The following R3HCC1L variants were observed in gnomAD, a reference collection of about 807,000 sequenced individuals.
The protein encoded by R3HCC1L is R3H domain and coiled-coil containing 1 like, also known as coiled-coil domain-containing protein R3HCC1L.
In R3HCC1L, 51 loss-of-function variants were observed where a neutral mutation model predicts 59.9. The observed-to-expected ratio is 0.85, with a 90% CI of 0.68 to 1.07. R3HCC1L has a LOEUF of 1.07. Ranked by LOEUF, R3HCC1L falls within the 50% of genes least tolerant of loss-of-function variation. The probability of loss-of-function intolerance (pLI) is 0.00; values close to 1 mark genes in which losing one functional copy is unlikely to be tolerated. For synonymous variants in R3HCC1L, 322 were observed against 315.2 expected, an observed-to-expected ratio of 1.02 and a Z score of -0.23; for missense variants, 965 against 933.0, an observed-to-expected ratio of 1.03 and a Z score of -0.45.
intron 9 of R3HCC1L, among the ~76,000 whole-genome samples, chr10:98,242,495 A>G (rs888128823): frequency 2.4e-4 from 36 of 152,320 alleles, no homozygotes; most frequent in African/African-American, 8.2e-4. Context: ...AAAGACTATA[A>G]ATAGCTTCGT....
At chr10:98,224,764 A>G (rs1416434154) in intron 5 of R3HCC1L, among the ~76,000 whole-genome samples, 1 of 152,240 alleles carries the variant, frequency 6.6e-6, no homozygotes. Flanking sequence ...CTAAACGTCT[A>G]CCATCTGTTT....
At chr10:98,221,967 G>C (rs945959162) in intron 5 of R3HCC1L, among the ~76,000 whole-genome samples, 2 of 152,102 alleles carry the variant, frequency 1.3e-5, no homozygotes, top group African/African-American at 4.8e-5. Flanking sequence ...AATTACCTTG[G>C]GCAGTATAGC....
intron 4 of R3HCC1L, among the ~76,000 whole-genome samples, chr10:98,179,661 T>C (rs991040232): frequency 1.3e-5 from 2 of 152,228 alleles, no homozygotes; most frequent in Admixed American, 6.5e-5. Flanking sequence ...TTTGTACCTC[T>C]GGTAGAATTC....
At chr10:98,137,616 A>C (rs1312731208) in intron 1 of R3HCC1L, among the ~76,000 whole-genome samples, 1 of 152,184 alleles carries the variant, frequency 6.6e-6, no homozygotes, top group Non-Finnish European at 1.5e-5. Context: ...TTTTATATAA[A>C]AATTATATTA....
chr10:98,190,988 C>CT (rs1388205147), intron 4 of R3HCC1L, among the ~76,000 whole-genome samples: 1 of 152,060 alleles, frequency 6.6e-6, no homozygotes, highest in Non-Finnish European at 1.5e-5. Context: ...TGAACTCATC[C>CT]TTTTTTTCGG....
chr10:98,184,805 T>A (rs765448705), intron 4 of R3HCC1L, among the ~76,000 whole-genome samples: 27 of 152,168 alleles, frequency 1.8e-4, no homozygotes, highest in Middle Eastern at 3.2e-3. Flanking sequence ...TAGATTTTGT[T>A]TGCTTCCCCT....
chr10:98,155,063 C>G (rs938990863), intron 1 of R3HCC1L, among the ~76,000 whole-genome samples: 1 of 152,060 alleles, frequency 6.6e-6, no homozygotes, highest in African/African-American at 2.4e-5. Flanking sequence ...GCTGATAACC[C>G]TCTTCTGTTG....
intron 1 of R3HCC1L, among the ~76,000 whole-genome samples, chr10:98,154,555 C>T (rs1050803651): frequency 5.3e-5 from 8 of 152,078 alleles, no homozygotes; most frequent in African/African-American, 1.9e-4. Flanking sequence ...TAGGGAGTTC[C>T]GTGTATACTA....
intron 5 of R3HCC1L, among the ~76,000 whole-genome samples, chr10:98,228,966 A>G (rs924378250): frequency 1.3e-5 from 2 of 152,110 alleles, no homozygotes; most frequent in Admixed American, 6.6e-5. Context: ...TACCAGTACC[A>G]TGCTGTTTTG....
At chr10:98,136,107 C>T (rs1270155757) in intron 1 of R3HCC1L, among the ~76,000 whole-genome samples, 1 of 151,678 alleles carries the variant, frequency 6.6e-6, no homozygotes, top group East Asian at 1.9e-4. Context: ...CCCGCCTCGA[C>T]CTCCCAAAGT....
chr10:98,205,307 AATG>A (rs1852515210), intron 4 of R3HCC1L, among the ~76,000 whole-genome samples: 1 of 152,156 alleles, frequency 6.6e-6, no homozygotes, highest in East Asian at 1.9e-4. Context: ...GTGATCTCAC[AATG>A]ATAACTAGAA....
chr10:98,177,093 C>T (rs1849099725), intron 4 of R3HCC1L, among the ~76,000 whole-genome samples: 1 of 152,014 alleles, frequency 6.6e-6, no homozygotes, highest in African/African-American at 2.4e-5. Flanking sequence ...AGGTTTGTTA[C>T]ATATGTATAC....
intron 4 of R3HCC1L, among the ~76,000 whole-genome samples, chr10:98,168,088 C>T (rs1006513665): frequency 3.3e-5 from 5 of 152,172 alleles, no homozygotes. Context: ...AGCAGACCAA[C>T]CTCCAGATGT....
chr10:98,228,411 C>T (rs1207032255), intron 5 of R3HCC1L, among the ~76,000 whole-genome samples: 1 of 152,168 alleles, frequency 6.6e-6, no homozygotes, highest in Admixed American at 6.5e-5. Flanking sequence ...ATATCCTTCG[C>T]CCACTTGTTG....
chr10:98,185,650 A>G (rs933336938), intron 4 of R3HCC1L, among the ~76,000 whole-genome samples: 5 of 152,244 alleles, frequency 3.3e-5, no homozygotes, highest in Admixed American at 2.6e-4. Flanking sequence ...TATAAAGCAT[A>G]TGAAGACAGA....
chr10:98,235,909 G>T, intron 8 of R3HCC1L, 115 bp from the exon 9 acceptor site: 1 of 1,194,206 alleles, frequency 8.4e-7, no homozygotes, highest in Non-Finnish European at 1.2e-6. Context: ...ATTAATTACT[G>T]CTGATGCAGC....
rs151285257 is a variant in R3HCC1L at position 98,197,524 on chromosome 10, G to A, written c.-14-10577G>A. Among the ~76,000 whole-genome samples the A allele has an allele frequency of 1.1e-4, 16 of 152,264 alleles. No homozygotes were observed. In the East Asian group the frequency reaches 3.1e-3, roughly 29 times the overall value. On this transcript the variant is annotated intron_variant, in intron 4 of 9. Coordinates refer to ENST00000298999, the MANE Select transcript of R3HCC1L (RefSeq NM_001351015.2). ...GTTGATTGATTGATTGTCTTCACCA[G>A]TAAGTTCCATGAGGCCAGGAGCTTT...
At chr10:98,182,537 A>G (rs1309254431) in intron 4 of R3HCC1L, among the ~76,000 whole-genome samples, 1 of 152,120 alleles carries the variant, frequency 6.6e-6, no homozygotes, top group Non-Finnish European at 1.5e-5. Flanking sequence ...TCAGAGCTCA[A>G]ACACCGTGCT....
chr10:98,225,058 CA>C lies in R3HCC1L; in HGVS notation c.1786-6453del, dbSNP rs567252529. On this transcript the variant is annotated intron_variant, in intron 5 of 9. Transcript: ENST00000298999. ...AATCGGTATAAAAAATTATTAAAGA[CA>C]TTTTTTTTTGTATTAAGTCTTGAAA... Among the ~76,000 whole-genome samples the C allele has an allele frequency of 1.4e-3, 216 of 152,124 alleles. 1 individual carries two copies. The highest frequency in any genetic ancestry group is 4.2e-3 in the East Asian group (22 of 5,190).
Sources: gnomAD v4.1 joint callset for allele counts (sites outside exome capture counted in the v4.1 genomes callset) on GRCh38, gnomAD v4.1.1 for gene constraint, MANE v1.5 for transcripts, NCBI Gene and HGNC (gene_info 2026-07-23, HGNC 2026-07-21) for gene names.